Variants in SMYD3 observed in about 807,000 individuals in gnomAD.
The protein encoded by SMYD3 is SET and MYND domain containing 3, also known as histone-lysine N-methyltransferase SMYD3.
A neutral mutation model predicts 57.7 loss-of-function variants in SMYD3; 36 were observed. The observed-to-expected ratio is 0.62, with a 90% CI of 0.48 to 0.82. The LOEUF is 0.82. Ranked by LOEUF, SMYD3 falls within the 40% of genes least tolerant of loss-of-function variation. The probability of loss-of-function intolerance (pLI) is 0.00; values close to 1 mark genes in which losing one functional copy is unlikely to be tolerated. For synonymous variants in SMYD3, 211 were observed against 195.0 expected, an observed-to-expected ratio of 1.08 and a Z score of -0.68; for missense variants, 515 against 538.8, an observed-to-expected ratio of 0.96 and a Z score of 0.44.
At chr1:246,246,029 G>A (rs1572271945) in intron 5 of SMYD3, among the ~76,000 whole-genome samples, 3 of 152,158 alleles carry the variant, frequency 2.0e-5, no homozygotes, top group East Asian at 3.9e-4. Flanking sequence ...TTTTCATTTG[G>A]TTTTCATGAA....
Position 246,377,392 on chromosome 1 carries a change from G to C in SMYD3, c.165-22298C>G, listed in dbSNP as rs371212735. On this transcript the variant is annotated intron_variant, in intron 1 of 11. Transcript: ENST00000490107. ...TTCTTTTTTTTTTTTTTTTTGAGAC[G>C]GAGTTTCACTCTTGTTGCCCAGGCT... Among the ~76,000 whole-genome samples the C allele has an allele frequency of 1.3e-4, 19 of 143,202 alleles. No homozygotes were observed. The South Asian group carries it at 2.4e-3, about 18-fold the overall frequency. 93.9% of individuals were successfully genotyped at this position (143,202 alleles called of 152,430 possible). A position where few individuals can be genotyped will look rare whatever the true frequency, so the allele number is the denominator to read the frequency against.
intron 10 of SMYD3, among the ~76,000 whole-genome samples, chr1:245,821,127 T>C (rs368436300): frequency 7.3e-5 from 11 of 150,136 alleles, no homozygotes; most frequent in East Asian, 6.1e-4. Context: ...GGAGGCATCA[T>C]GCTACCTGAC....
At chr1:246,137,037 G>A (rs934667394) in intron 5 of SMYD3, among the ~76,000 whole-genome samples, 55 of 152,260 alleles carry the variant, frequency 3.6e-4, no homozygotes, top group African/African-American at 1.2e-3. Flanking sequence ...CAAGGACTAC[G>A]AGCTAAGCAA....
chr1:245,981,342 T>C (rs1289766865), intron 5 of SMYD3, among the ~76,000 whole-genome samples: 1 of 152,196 alleles, frequency 6.6e-6, no homozygotes, highest in East Asian at 1.9e-4. Flanking sequence ...GTTAACTAGC[T>C]ACCTGAGAGC....
rs113115084 is a variant in SMYD3, at chr1:245,842,380, A to G, written c.1076+16116T>C. On this transcript the variant is annotated intron_variant, in intron 10 of 11. Transcript: ENST00000490107. ...GCTTTCCATAATTGATTTTCGGCCA[A>G]CTGACCTGAAGCCATTTTACTTAAC... Among the ~76,000 whole-genome samples the G allele has an allele frequency of 1.1e-4, 16 of 152,274 alleles. 2 individuals are homozygous for G. The highest frequency in any genetic ancestry group is 3.9e-4 in the African/African-American group (16 of 41,554).
At chr1:246,393,218 A>G (rs958962710) in intron 1 of SMYD3, among the ~76,000 whole-genome samples, 1 of 152,194 alleles carries the variant, frequency 6.6e-6, no homozygotes, top group Non-Finnish European at 1.5e-5. Context: ...GAACTATACA[A>G]TTTAAATGAG....
intron 5 of SMYD3, among the ~76,000 whole-genome samples, chr1:245,997,950 T>C (rs1482933557): frequency 2.0e-5 from 3 of 151,650 alleles, no homozygotes; most frequent in Non-Finnish European, 4.4e-5. Context: ...GTTCTGGCAA[T>C]TGCCAGACAA....
rs1009761332 is a variant in SMYD3, at chr1:245,955,861, T to G, written c.532-25924A>C. On this transcript the variant is annotated intron_variant, in intron 5 of 11. Transcript: ENST00000490107. ...TGGAATCATACTGCATTGATGATTT[T>G]GCAATTTGTTTTGGGTTTTTTTTTT... 3.6e-6 allele frequency: 3 copies of G among 822,686 alleles called. No individual in the cohort carries two copies. In the African/African-American group the frequency reaches 6.7e-5, roughly 18 times the overall value. 51.0% of individuals were successfully genotyped at this position (822,686 alleles called of 1,614,324 possible). A position where few individuals can be genotyped will look rare whatever the true frequency, so the allele number is the denominator to read the frequency against.
At chr1:245,974,311 T>C (rs1365472206) in intron 5 of SMYD3, among the ~76,000 whole-genome samples, 3 of 152,204 alleles carry the variant, frequency 2.0e-5, no homozygotes, top group Non-Finnish European at 4.4e-5. Context: ...AGTATTTATT[T>C]TTCTCTAATA....
intron 10 of SMYD3, among the ~76,000 whole-genome samples, chr1:245,843,811 T>C (rs760689259): frequency 2.0e-5 from 3 of 152,178 alleles, no homozygotes; most frequent in Non-Finnish European, 1.5e-5. Flanking sequence ...TTTTGTACTT[T>C]ATTTGTGGCT....
chr1:246,258,651 AT>A (rs1465547336), intron 5 of SMYD3, among the ~76,000 whole-genome samples: 1 of 152,006 alleles, frequency 6.6e-6, no homozygotes, highest in East Asian at 1.9e-4. Context: ...CCTTTAAGAT[AT>A]TTTTCTTTAG....
chr1:245,974,332 A>C (rs2058373042), intron 5 of SMYD3, among the ~76,000 whole-genome samples: 1 of 152,198 alleles, frequency 6.6e-6, no homozygotes, highest in Non-Finnish European at 1.5e-5. Flanking sequence ...CATGAGCAGT[A>C]TTATAAAACC....
chr1:245,799,800 A>C (rs902016707), intron 10 of SMYD3, among the ~76,000 whole-genome samples: 4 of 151,742 alleles, frequency 2.6e-5, no homozygotes, highest in African/African-American at 9.7e-5. Context: ...CCACCTGTCC[A>C]TCTGCCCACC....
At chr1:246,001,493 C>A (rs1459606282) in intron 5 of SMYD3, among the ~76,000 whole-genome samples, 1 of 151,588 alleles carries the variant, frequency 6.6e-6, no homozygotes, top group South Asian at 2.1e-4. Context: ...TATGTGGCAT[C>A]CATCATGTTT....
chr1:245,828,796 G>C (rs1235494609), intron 10 of SMYD3, among the ~76,000 whole-genome samples: 1 of 151,460 alleles, frequency 6.6e-6, no homozygotes, highest in Admixed American at 6.6e-5. Flanking sequence ...TCCGCTTCCC[G>C]GGTTCAAGCA....
At chr1:246,343,725 C>T (rs1242049762) in intron 2 of SMYD3, among the ~76,000 whole-genome samples, 1 of 152,140 alleles carries the variant, frequency 6.6e-6, no homozygotes, top group Non-Finnish European at 1.5e-5. Flanking sequence ...GAATTTGATG[C>T]TAAGATTATC....
At chr1:246,295,263 T>A (rs924924526) in intron 5 of SMYD3, among the ~76,000 whole-genome samples, 13 of 152,288 alleles carry the variant, frequency 8.5e-5, no homozygotes, top group Non-Finnish European at 1.5e-5. Context: ...ACTTAGTATC[T>A]CTTACAGATC....
intron 2 of SMYD3, among the ~76,000 whole-genome samples, chr1:246,343,905 G>A (rs2065669683): frequency 6.6e-6 from 1 of 152,100 alleles, no homozygotes; most frequent in South Asian, 2.1e-4. Flanking sequence ...TAGCTCTGTG[G>A]TGACCAATAT....
intron 10 of SMYD3, among the ~76,000 whole-genome samples, chr1:245,825,754 C>T (rs1175494152): frequency 6.6e-6 from 1 of 151,992 alleles, no homozygotes; most frequent in Non-Finnish European, 1.5e-5. Context: ...ATTCTAAATA[C>T]ATTTTTCTTT....
Sources: gnomAD v4.1 joint callset for allele counts (sites outside exome capture counted in the v4.1 genomes callset) on GRCh38, gnomAD v4.1.1 for gene constraint, MANE v1.5 for transcripts, NCBI Gene and HGNC (gene_info 2026-07-23, HGNC 2026-07-21) for gene names.